ZNF248: variants seen among roughly 807,000 people sequenced by gnomAD.
The protein encoded by ZNF248 is KRAB protein domain.
A neutral mutation model predicts 44.3 loss-of-function variants in ZNF248; 20 were observed. The ratio of observed to expected loss-of-function variants is 0.45; its 90% CI spans 0.32 to 0.66. The LOEUF (loss-of-function observed/expected upper bound fraction) is 0.66. Among genes scored for constraint, ZNF248 ranks in the 30% least tolerant of loss-of-function variants. The pLI is 0.04. For missense variants in ZNF248, 654 were observed against 677.0 expected, an observed-to-expected ratio of 0.97 and a Z score of 0.38; for synonymous variants, 224 against 229.0, an observed-to-expected ratio of 0.98 and a Z score of 0.20.
chr10:37,839,077 T>C (rs577253064), intron 3 of ZNF248, among the ~76,000 whole-genome samples: 1 of 152,250 alleles, frequency 6.6e-6, no homozygotes, highest in East Asian at 1.9e-4. Context: ...CCATAAGTAA[T>C]ATGGTTTATA....
At chr10:37,849,819 T>A (rs1008511351) in intron 3 of ZNF248, among the ~76,000 whole-genome samples, 1 of 152,098 alleles carries the variant, frequency 6.6e-6, no homozygotes, top group African/African-American at 2.4e-5. Context: ...ACGCCTGTAA[T>A]CCCAACACTT....
intron 3 of ZNF248, among the ~76,000 whole-genome samples, chr10:37,849,831 G>C (rs575753888): frequency 6.6e-6 from 1 of 152,180 alleles, no homozygotes; most frequent in Non-Finnish European, 1.5e-5. Context: ...CCAACACTTT[G>C]GAAGGCCAAG....
chr10:37,839,431 A>G (rs1418502865), intron 3 of ZNF248, among the ~76,000 whole-genome samples: 1 of 152,012 alleles, frequency 6.6e-6, no homozygotes, highest in Non-Finnish European at 1.5e-5. Flanking sequence ...ATGCTCCAAT[A>G]TATGCTGAGT....
At chr10:37,842,148 T>G (rs2058458606) in intron 3 of ZNF248, among the ~76,000 whole-genome samples, 1 of 152,200 alleles carries the variant, frequency 6.6e-6, no homozygotes, top group Non-Finnish European at 1.5e-5. Context: ...AAACTCTTTG[T>G]ACTACTGTCT....
chr10:37,851,843 G>A (rs1364288892), intron 3 of ZNF248, among the ~76,000 whole-genome samples: 6 of 147,358 alleles, frequency 4.1e-5, no homozygotes, highest in Non-Finnish European at 7.4e-5. Flanking sequence ...ACTGGATCAT[G>A]CGTACAGTGG....
chr10:37,813,487 C>T (rs1380263654), intron 6 of ZNF248, among the ~76,000 whole-genome samples: 2 of 152,150 alleles, frequency 1.3e-5, no homozygotes, highest in African/African-American at 4.8e-5. Flanking sequence ...GCAAGACTGA[C>T]TCCTCCTCTC....
At chr10:37,777,871 T>A (rs1284344889) in intron 6 of ZNF248, among the ~76,000 whole-genome samples, 16 of 152,124 alleles carry the variant, frequency 1.1e-4, no homozygotes, top group Non-Finnish European at 2.1e-4. Flanking sequence ...GAACTCATCC[T>A]TTTTTATGGC....
chr10:37,793,669 T>TA (rs2048818114), intron 6 of ZNF248, among the ~76,000 whole-genome samples: 2 of 152,222 alleles, frequency 1.3e-5, no homozygotes, highest in African/African-American at 2.4e-5. Flanking sequence ...AATATGTGCA[T>TA]AATTCCTGTG....
intron 6 of ZNF248, among the ~76,000 whole-genome samples, chr10:37,821,997 C>A (rs529467883): frequency 2.0e-5 from 3 of 152,300 alleles, no homozygotes; most frequent in South Asian, 2.1e-4. Context: ...GCAATCAGCT[C>A]CCTCAGAGGC....
intron 3 of ZNF248, among the ~76,000 whole-genome samples, chr10:37,846,943 C>T (rs759256989): frequency 8.1e-4 from 124 of 152,224 alleles, no homozygotes; most frequent in South Asian, 1.0e-3. Context: ...TCTGATTTAA[C>T]AAATGTAAAA....
In ZNF248 at chr10:37,830,231, TAAC is replaced by T. The variant is rs1385444920; in HGVS notation, c.*1381_*1383del. 4.1e-6 allele frequency: 4 copies of T among 985,254 alleles called. No individual in the cohort carries two copies. Among genetic ancestry groups the T allele is most frequent in the African/African-American group, 1.7e-5 (1 of 57,214 alleles). The allele number at this position is 985,254 out of a possible 1,614,324, so 61.0% of individuals were successfully genotyped here. A position where few individuals can be genotyped will look rare whatever the true frequency, so the allele number is the denominator to read the frequency against. On this transcript the variant is annotated 3_prime_UTR_variant, in exon 6 of 6. Transcript: ENST00000395867. ...TAATTTATGTAAAAACCATTCTTAT[TAAC>T]AACATTTACATTACAGAATGACCCA... is the stretch of plus-strand genomic sequence containing the variant.
chr10:37,818,213 G>A (rs181601801), intron 6 of ZNF248, among the ~76,000 whole-genome samples: 1 of 152,132 alleles, frequency 6.6e-6, no homozygotes. Flanking sequence ...ACTGTGCCCG[G>A]CCTTCTAGTC....
chr10:37,783,538 T>C (rs2047549341), intron 6 of ZNF248, among the ~76,000 whole-genome samples: 1 of 152,200 alleles, frequency 6.6e-6, no homozygotes, highest in South Asian at 2.1e-4. Context: ...GTTAAAAACT[T>C]TTGTGCATCA....
At chr10:37,855,052 A>G (rs1217359538) in intron 3 of ZNF248, among the ~76,000 whole-genome samples, 1 of 152,230 alleles carries the variant, frequency 6.6e-6, no homozygotes, top group Non-Finnish European at 1.5e-5. Context: ...CCTAGAGATA[A>G]CAGATTCCTT....
chr10:37,792,308 G>A (rs2048654755), intron 6 of ZNF248, among the ~76,000 whole-genome samples: 1 of 152,060 alleles, frequency 6.6e-6, no homozygotes, highest in Non-Finnish European at 1.5e-5. Flanking sequence ...GAAACAAACT[G>A]AGCAACAAAA....
the ZNF248 span, among the ~76,000 whole-genome samples, chr10:37,761,200 T>A: frequency 2.0e-5 from 3 of 152,210 alleles, no homozygotes; most frequent in Non-Finnish European, 4.4e-5. Flanking sequence ...TATTGGCCCA[T>A]CTTGGATTAA....
intron 6 of ZNF248, among the ~76,000 whole-genome samples, chr10:37,780,707 G>C (rs2047187281): frequency 1.3e-5 from 2 of 152,152 alleles, no homozygotes; most frequent in Non-Finnish European, 2.9e-5. Flanking sequence ...GCCTGGACGC[G>C]CGCGCACGTG....
At chr10:37,839,074 T>C (rs1329202468) in intron 3 of ZNF248, among the ~76,000 whole-genome samples, 3 of 152,174 alleles carry the variant, frequency 2.0e-5, no homozygotes, top group African/African-American at 4.8e-5. Context: ...TAACCATAAG[T>C]AATATGGTTT....
the ZNF248 span, among the ~76,000 whole-genome samples, chr10:37,763,694 G>A: frequency 6.6e-6 from 1 of 152,220 alleles, no homozygotes; most frequent in Admixed American, 6.5e-5. Flanking sequence ...AAGATATGTT[G>A]TTGCAGGAAG....
Sources: allele counts gnomAD v4.1 joint callset (sites outside exome capture counted in the v4.1 genomes callset), GRCh38; gene constraint gnomAD v4.1.1; transcripts MANE v1.5; gene names NCBI Gene and HGNC (gene_info 2026-07-23, HGNC 2026-07-21).